LINGO2: variants seen among roughly 807,000 people sequenced by gnomAD.
LINGO2 encodes leucine-rich repeat and immunoglobulin-like domain-containing nogo receptor-interacting protein 2.
LINGO2 carries 14 observed loss-of-function variants against 30.6 expected under a neutral mutation model. The observed-to-expected ratio is 0.46, with a 90% CI of 0.30 to 0.72. The LOEUF is 0.72. Among genes scored for constraint, LINGO2 ranks in the 30% least tolerant of loss-of-function variants. The pLI is 0.07. For missense variants in LINGO2, 729 were observed against 751.7 expected (o/e 0.97, Z 0.35); for synonymous variants, 317 against 288.5 (o/e 1.10, Z -1.00).
At chr9:28,287,668 G>GA (rs964689621) in intron 4 of LINGO2, among the ~76,000 whole-genome samples, 1 of 152,078 alleles carries the variant, frequency 6.6e-6, no homozygotes, top group Admixed American at 6.6e-5. Context: ...AAGCCAGAGA[G>GA]AAAAAAGTCT....
chr9:27,976,962 T>A (rs1587593805), intron 5 of LINGO2, among the ~76,000 whole-genome samples: 1 of 151,596 alleles, frequency 6.6e-6, no homozygotes, highest in East Asian at 1.9e-4. Context: ...AATACATAAA[T>A]CTCTGAGAAA....
chr9:29,147,601 A>C, the LINGO2 span, among the ~76,000 whole-genome samples: 1 of 152,134 alleles, frequency 6.6e-6, no homozygotes, highest in Non-Finnish European at 1.5e-5. Flanking sequence ...GTCACAGTAT[A>C]GCTTGATAGG....
At chr9:28,967,497 G>A in the LINGO2 span, among the ~76,000 whole-genome samples, 1 of 152,118 alleles carries the variant, frequency 6.6e-6, no homozygotes, top group African/African-American at 2.4e-5. Context: ...ATATGACCTG[G>A]GGCATTCCTC....
At chr9:29,147,608 T>C in the LINGO2 span, among the ~76,000 whole-genome samples, 6,303 of 152,196 alleles carry the variant, frequency 0.041, 201 homozygotes, top group Admixed American at 0.079. Context: ...TATAGCTTGA[T>C]AGGAATCAGT....
At chr9:28,877,601 A>C in the LINGO2 span, among the ~76,000 whole-genome samples, 1 of 152,062 alleles carries the variant, frequency 6.6e-6, no homozygotes, top group Non-Finnish European at 1.5e-5. Context: ...GTTCTGTTCC[A>C]TTGATCTATA....
At chr9:28,105,600 C>G (rs778779937) in intron 4 of LINGO2, among the ~76,000 whole-genome samples, 1 of 152,128 alleles carries the variant, frequency 6.6e-6, no homozygotes, top group Non-Finnish European at 1.5e-5. Context: ...GAAGCCCTAA[C>G]CCCTGTGTGA....
intron 2 of LINGO2, among the ~76,000 whole-genome samples, chr9:28,461,427 A>C (rs1240481463): frequency 6.6e-6 from 1 of 152,202 alleles, no homozygotes; most frequent in South Asian, 2.1e-4. Flanking sequence ...TCCATCAAAA[A>C]TAGCAACACA....
chr9:27,983,213 C>T (rs776533723), intron 5 of LINGO2, among the ~76,000 whole-genome samples: 12 of 151,856 alleles, frequency 7.9e-5, no homozygotes, highest in African/African-American at 1.7e-4. Flanking sequence ...ATCTTAGAAG[C>T]TCTATGAATT....
the LINGO2 span, among the ~76,000 whole-genome samples, chr9:28,728,089 A>G: frequency 1.3e-5 from 2 of 152,184 alleles, no homozygotes. Context: ...TCTCACTTAT[A>G]ACAGAGAACT....
At chr9:28,579,980 T>A (rs1824178524) in intron 1 of LINGO2, among the ~76,000 whole-genome samples, 1 of 152,114 alleles carries the variant, frequency 6.6e-6, no homozygotes, top group Non-Finnish European at 1.5e-5. Context: ...GCTGTCAACA[T>A]TACTCAAATG....
intron 2 of LINGO2, among the ~76,000 whole-genome samples, chr9:28,454,368 CACAA>C (rs745714366): frequency 1.6e-4 from 24 of 151,996 alleles, no homozygotes; most frequent in Non-Finnish European, 3.2e-4. Context: ...CACACATACA[CACAA>C]ACACAGGCCA....
At chr9:29,039,607 T>A in the LINGO2 span, among the ~76,000 whole-genome samples, 11 of 152,154 alleles carry the variant, frequency 7.2e-5, no homozygotes, top group African/African-American at 2.7e-4. Flanking sequence ...GACTTTTTAG[T>A]ATCTTCTCTT....
At chr9:28,393,553 C>T (rs1587604761) in intron 2 of LINGO2, among the ~76,000 whole-genome samples, 1 of 152,218 alleles carries the variant, frequency 6.6e-6, no homozygotes, top group South Asian at 2.1e-4. Context: ...ATATTAACAA[C>T]AATATACTGA....
chr9:28,596,754 T>C (rs1312230068), intron 1 of LINGO2, among the ~76,000 whole-genome samples: 1 of 152,182 alleles, frequency 6.6e-6, no homozygotes, highest in Non-Finnish European at 1.5e-5. Context: ...ATATACATCA[T>C]TATCTTTATA....
chr9:28,525,824 G>C (rs1821004224), intron 1 of LINGO2, among the ~76,000 whole-genome samples: 1 of 152,130 alleles, frequency 6.6e-6, no homozygotes. Flanking sequence ...GGGAGGCCAA[G>C]GTGGGCGGAT....
At chr9:28,069,410 G>A (rs1354758383) in intron 4 of LINGO2, among the ~76,000 whole-genome samples, 1 of 152,048 alleles carries the variant, frequency 6.6e-6, no homozygotes, top group Admixed American at 6.6e-5. Context: ...TTTGTCTATG[G>A]AGCTATTATG....
chr9:28,198,145 T>C (rs920182399), intron 4 of LINGO2, among the ~76,000 whole-genome samples: 16 of 150,494 alleles, frequency 1.1e-4, no homozygotes, highest in Non-Finnish European at 1.6e-4. Context: ...AGGAACAACA[T>C]TGAGAAATTT....
chr9:28,513,993 G>A (rs536348838), intron 1 of LINGO2, among the ~76,000 whole-genome samples: 15 of 152,188 alleles, frequency 9.9e-5, no homozygotes, highest in African/African-American at 3.6e-4. Context: ...GTCACATTTT[G>A]GTGATTCTTA....
At chr9:29,038,285 C>T in the LINGO2 span, among the ~76,000 whole-genome samples, 1,162 of 152,028 alleles carry the variant, frequency 7.6e-3, 5 homozygotes, top group Non-Finnish European at 0.013. Context: ...TAATTTTAGC[C>T]ATTCTGGTAG....
Sources: gnomAD v4.1 joint callset for allele counts (sites outside exome capture counted in the v4.1 genomes callset) on GRCh38, gnomAD v4.1.1 for gene constraint, MANE v1.5 for transcripts, NCBI Gene and HGNC (gene_info 2026-07-23, HGNC 2026-07-21) for gene names.